MAPDA: variants seen among roughly 807,000 people sequenced by gnomAD.
MAPDA encodes N6,N6-dimethyl-AMP deaminase.
chr15:43,348,950 T>C, the MAPDA span: 1 of 1,614,164 alleles, frequency 6.2e-7, no homozygotes, highest in Non-Finnish European at 8.5e-7. Context: ...CTGGATCTGC[T>C]TCCTGACAGA....
chr15:43,330,379 A>G, the MAPDA span: 18 of 1,573,184 alleles, frequency 1.1e-5, no homozygotes, highest in South Asian at 2.2e-5. Flanking sequence ...GCAACGCGGC[A>G]AAGGGGTCCT....
chr15:43,339,194 C>T, the MAPDA span, among the ~76,000 whole-genome samples: 1 of 152,156 alleles, frequency 6.6e-6, no homozygotes, highest in Admixed American at 6.5e-5. Context: ...ATGGAGGCTG[C>T]AGTATCATGC....
the MAPDA span, chr15:43,330,550 C>G: frequency 1.3e-6 from 2 of 1,493,924 alleles, no homozygotes; most frequent in African/African-American, 2.8e-5. Context: ...TTGGTTAGCA[C>G]ACACCTCACG....
the MAPDA span, chr15:43,348,833 C>T: frequency 2.0e-6 from 3 of 1,501,850 alleles, no homozygotes; most frequent in South Asian, 1.3e-5. Context: ...GGGCAGGGTA[C>T]CTAGCTATAG....
the MAPDA span, chr15:43,351,155 A>G: frequency 2.0e-6 from 2 of 992,144 alleles, no homozygotes; most frequent in Non-Finnish European, 3.1e-6. Flanking sequence ...GCCCAAGTAG[A>G]GGAGTTAGAA....
the MAPDA span, chr15:43,351,250 C>T: frequency 2.0e-6 from 1 of 512,414 alleles, no homozygotes; most frequent in Admixed American, 3.5e-5. Flanking sequence ...CACTTGAACC[C>T]AGGAGGAGGA....
chr15:43,351,087 G>A, the MAPDA span: 1 of 1,498,224 alleles, frequency 6.7e-7, no homozygotes, highest in South Asian at 1.2e-5. Flanking sequence ...TGCTCCCTGA[G>A]TTGCATTAAT....
At chr15:43,350,874 T>G in the MAPDA span, 4 of 1,316,842 alleles carry the variant, frequency 3.0e-6, no homozygotes, top group East Asian at 1.0e-4. Flanking sequence ...TCGTGTCTAC[T>G]TGGTGAACAC....
the MAPDA span, chr15:43,346,097 G>A: frequency 1.5e-6 from 2 of 1,368,270 alleles, no homozygotes; most frequent in Non-Finnish European, 2.0e-6. Flanking sequence ...ACTCCATTCT[G>A]TGGATGAAGG....
the MAPDA span, chr15:43,345,908 A>G: frequency 6.2e-7 from 1 of 1,614,144 alleles, no homozygotes; most frequent in Admixed American, 1.7e-5. Context: ...AGGAGACTGT[A>G]AAACTTGCCG....
At chr15:43,336,673 A>C in the MAPDA span, 1 of 1,554,520 alleles carries the variant, frequency 6.4e-7, no homozygotes, top group Non-Finnish European at 8.6e-7. Context: ...AGTAGCCCTG[A>C]AGATATTCTA....
the MAPDA span, among the ~76,000 whole-genome samples, chr15:43,344,304 T>C: frequency 1.2e-4 from 18 of 152,204 alleles, no homozygotes; most frequent in Admixed American, 3.3e-4. Context: ...AATTACATTA[T>C]GGTATGCTCA....
the MAPDA span, chr15:43,346,938 G>A: frequency 3.6e-6 from 4 of 1,096,888 alleles, no homozygotes; most frequent in Non-Finnish European, 5.5e-6. Flanking sequence ...CCATTATGTT[G>A]TTTATTGGAA....
At chr15:43,351,760 A>G in the MAPDA span, 2 of 1,547,018 alleles carry the variant, frequency 1.3e-6, no homozygotes, top group Non-Finnish European at 8.7e-7. Flanking sequence ...GACTGATGAT[A>G]AGGGTGTTTT....
the MAPDA span, chr15:43,348,917 A>G: frequency 6.2e-7 from 1 of 1,606,210 alleles, no homozygotes; most frequent in Non-Finnish European, 8.5e-7. Context: ...ATTCCAAACC[A>G]AAAAAAAGAA....
the MAPDA span, chr15:43,333,564 G>A: frequency 2.0e-5 from 3 of 151,938 alleles, no homozygotes; most frequent in Non-Finnish European, 2.9e-5. Flanking sequence ...ACTTTGAAAT[G>A]CCATGTTTAT....
At chr15:43,335,627 A>C in the MAPDA span, 13 of 1,488,550 alleles carry the variant, frequency 8.7e-6, no homozygotes, top group Non-Finnish European at 5.4e-6. Context: ...AACTACCAAC[A>C]TTAAGTACTT....
chr15:43,343,019 A>G, the MAPDA span: 4 of 1,587,562 alleles, frequency 2.5e-6, no homozygotes, highest in South Asian at 1.2e-5. Flanking sequence ...CTTATGTGGA[A>G]TCTATACTTG....
chr15:43,345,642 T>G, the MAPDA span, among the ~76,000 whole-genome samples: 4 of 152,194 alleles, frequency 2.6e-5, no homozygotes, highest in Non-Finnish European at 5.9e-5. Flanking sequence ...ACTGTAAATC[T>G]GAACAGTGAC....
Sources: gnomAD v4.1 joint callset for allele counts (sites outside exome capture counted in the v4.1 genomes callset) on GRCh38, gnomAD v4.1.1 for gene constraint, MANE v1.5 for transcripts, NCBI Gene and HGNC (gene_info 2026-07-23, HGNC 2026-07-21) for gene names.